RALGPS2: variants seen among roughly 807,000 people sequenced by gnomAD.
RALGPS2 encodes the protein Ral GEF with PH domain and SH3 binding motif 2.
RALGPS2 carries 43 observed loss-of-function variants against 86.8 expected under a neutral mutation model. That is an observed-to-expected ratio of 0.50 (90% CI 0.39 to 0.64). The LOEUF (loss-of-function observed/expected upper bound fraction) is 0.64. Ranked by LOEUF, RALGPS2 falls within the 30% of genes least tolerant of loss-of-function variation. The pLI is 0.00. For missense variants in RALGPS2, 536 were observed against 694.6 expected, an observed-to-expected ratio of 0.77 and a Z score of 2.57; for synonymous variants, 243 against 231.3, an observed-to-expected ratio of 1.05 and a Z score of -0.46.
intron 8 of RALGPS2, among the ~76,000 whole-genome samples, chr1:178,845,561 A>G (rs930435257): frequency 3.9e-5 from 6 of 152,164 alleles, no homozygotes; most frequent in Non-Finnish European, 8.8e-5. Flanking sequence ...TTCTTGGTTC[A>G]ACTAATTATC....
chr1:178,769,342 A>G (rs1031916774), intron 1 of RALGPS2, among the ~76,000 whole-genome samples: 1 of 151,984 alleles, frequency 6.6e-6, no homozygotes, highest in Non-Finnish European at 1.5e-5. Context: ...AGGTGCTCCA[A>G]ATGCTTGGAG....
intron 1 of RALGPS2, among the ~76,000 whole-genome samples, chr1:178,728,764 G>A (rs1177059252): frequency 1.1e-4 from 16 of 152,046 alleles, no homozygotes; most frequent in Admixed American, 9.2e-4. Flanking sequence ...TTTTAGTAAC[G>A]TGGAATTAAT....
At chr1:178,805,269 G>A (rs1188621371) in intron 4 of RALGPS2, among the ~76,000 whole-genome samples, 1 of 148,422 alleles carries the variant, frequency 6.7e-6, no homozygotes, top group Non-Finnish European at 1.5e-5. Flanking sequence ...GTGTGCAGAA[G>A]CTCTTTAGTT....
rs1647307140 is a variant in RALGPS2 at position 178,921,467 on chromosome 1, A to T, written c.*5108A>T. ...TCTCAAGAGTTTCTGTACCTTGATTATTGACAAATTCATTGTTTTACATCC... is the reference window on the plus strand; with the variant it reads ...TCTCAAGAGTTTCTGTACCTTGATTTTTGACAAATTCATTGTTTTACATCC... On this transcript the variant is annotated 3_prime_UTR_variant, in exon 20 of 20. Coordinates refer to ENST00000367635, the MANE Select transcript of RALGPS2 (RefSeq NM_152663.5). 1 of 142,962 alleles carries T rather than the reference A, an allele frequency of 7.0e-6. No individual in the cohort carries two copies. The highest frequency in any genetic ancestry group is 1.5e-5 in the Non-Finnish European group (1 of 66,308). 8.9% of individuals were successfully genotyped at this position (142,962 alleles called of 1,614,324 possible). A position where few individuals can be genotyped will look rare whatever the true frequency, so the allele number is the denominator to read the frequency against.
At chr1:178,819,371 G>A (rs1211202414) in intron 6 of RALGPS2, among the ~76,000 whole-genome samples, 1 of 152,160 alleles carries the variant, frequency 6.6e-6, no homozygotes, top group African/African-American at 2.4e-5. Context: ...TTAGCACTAA[G>A]GTTCACAGCA....
chr1:178,856,202 G>GAGAGAGATATATATATAT (rs1428022812), intron 8 of RALGPS2, among the ~76,000 whole-genome samples: 5 of 83,912 alleles, frequency 6.0e-5, no homozygotes, highest in African/African-American at 3.2e-4. Context: ...GAGAGAGAGA[G>GAGAGAGATATATATATAT]ATATATATAT....
intron 1 of RALGPS2, among the ~76,000 whole-genome samples, chr1:178,732,069 G>A (rs577471261): frequency 1.3e-5 from 2 of 152,186 alleles, no homozygotes; most frequent in African/African-American, 4.8e-5. Flanking sequence ...GCTTGAGAAC[G>A]TTCTCATGAG....
intron 8 of RALGPS2, among the ~76,000 whole-genome samples, chr1:178,866,774 T>A (rs1480245199): frequency 6.6e-6 from 1 of 152,172 alleles, no homozygotes; most frequent in East Asian, 1.9e-4. Context: ...TAGTCAGTAT[T>A]TATAGAAGCA....
chr1:178,815,101 G>T (rs1286615024), intron 6 of RALGPS2, among the ~76,000 whole-genome samples: 1 of 151,922 alleles, frequency 6.6e-6, no homozygotes, highest in South Asian at 2.1e-4. Flanking sequence ...TATTTATTTT[G>T]ATGGATTCTC....
intron 4 of RALGPS2, among the ~76,000 whole-genome samples, chr1:178,799,935 A>C (rs1416892694): frequency 6.6e-6 from 1 of 152,208 alleles, no homozygotes; most frequent in Non-Finnish European, 1.5e-5. Context: ...TTACACGTGA[A>C]TTCACAGGTT....
At position 178,885,997 on chromosome 1, in the gene RALGPS2, T is replaced by C. The variant is rs763184002; in HGVS notation, c.1069T>C (p.Phe357Leu). Residue 357 changes from phenylalanine to leucine, a missense_variant, in exon 13 of 20, where the codon TTT becomes CTT. Physicochemically the swap from Phe to Leu is conservative, Grantham distance 22. This residue lies in a region of RALGPS2 where 309 missense variants were observed against 363.0 expected (regional missense o/e 0.85). Transcript: ENST00000367635. ...CATTCATAAAATGAACACAGCAGAA[T>C]TTAAGAGTGCAACGTTTCCAAATGC... Reference protein sequence around the residue: ...NFIHKMNTAEFKSATFPNAGP... With the variant: ...NFIHKMNTAELKSATFPNAGP... 6.2e-7 allele frequency: 1 copy of C among 1,609,462 alleles called. No homozygotes were observed. The highest frequency in any genetic ancestry group is 2.2e-5 in the East Asian group (1 of 44,848).
At chr1:178,867,649 C>T (rs751055023) in intron 8 of RALGPS2, among the ~76,000 whole-genome samples, 5 of 151,848 alleles carry the variant, frequency 3.3e-5, no homozygotes, top group African/African-American at 7.3e-5. Flanking sequence ...TTTCATTGAC[C>T]GGTTACTTAA....
chr1:178,763,958 A>C (rs558108070), intron 1 of RALGPS2, among the ~76,000 whole-genome samples: 110 of 152,168 alleles, frequency 7.2e-4, no homozygotes, highest in African/African-American at 2.5e-3. Flanking sequence ...GATGAGAAGA[A>C]TGTATATTCT....
At chr1:178,763,856 T>C (rs1652368556) in intron 1 of RALGPS2, among the ~76,000 whole-genome samples, 1 of 152,060 alleles carries the variant, frequency 6.6e-6, no homozygotes, top group African/African-American at 2.4e-5. Context: ...GGTATGAGAG[T>C]GTGCTTTGTA....
At chr1:178,812,051 G>A (rs962986362) in intron 6 of RALGPS2, among the ~76,000 whole-genome samples, 2 of 152,090 alleles carry the variant, frequency 1.3e-5, no homozygotes, top group Admixed American at 6.6e-5. Flanking sequence ...GGTCAAGGCC[G>A]GCAGCGATGT....
At chr1:178,817,508 C>G (rs1182645172) in intron 6 of RALGPS2, among the ~76,000 whole-genome samples, 3 of 152,134 alleles carry the variant, frequency 2.0e-5, no homozygotes, top group East Asian at 3.9e-4. Flanking sequence ...TCCAATATCT[C>G]TTTGTCTTAA....
rs112435151 is a variant in RALGPS2 at position 178,769,815 on chromosome 1, A to G, written c.-83-6867A>G. Reference sequence around the variant, plus strand: ...CAGTTAGCTTCAGGGATTAGGAGCAACAATGTTCTATTCCTTGGCCTGGGT... The same window carrying G: ...CAGTTAGCTTCAGGGATTAGGAGCAGCAATGTTCTATTCCTTGGCCTGGGT... On this transcript the variant is annotated intron_variant, in intron 1 of 19. Transcript: ENST00000367635. Among the ~76,000 whole-genome samples the G allele has an allele frequency of 3.5e-3, 531 of 152,256 alleles. 3 individuals are homozygous for G. Among genetic ancestry groups the G allele is most frequent in the South Asian group, 0.012 (57 of 4,814 alleles).
At chr1:178,883,631 C>A in intron 11 of RALGPS2, 98 bp downstream of exon 11, 1 of 870,578 alleles carries the variant, frequency 1.1e-6, no homozygotes, top group Non-Finnish European at 1.8e-6. Flanking sequence ...ACATCTTATA[C>A]TGCATGTAAA....
chr1:178,853,804 A>T, intron 8 of RALGPS2: 2 of 1,526,040 alleles, frequency 1.3e-6, no homozygotes, highest in South Asian at 2.6e-5. Context: ...TTTAAATATC[A>T]TTTATTATCA....
Sources: allele counts gnomAD v4.1 joint callset (sites outside exome capture counted in the v4.1 genomes callset), GRCh38; gene constraint gnomAD v4.1.1; regional missense constraint gnomAD v4.1.1; transcripts MANE v1.5; gene names NCBI Gene and HGNC (gene_info 2026-07-23, HGNC 2026-07-21).